PLA2G2F: variants seen among roughly 807,000 people sequenced by gnomAD.
PLA2G2F encodes the protein group IIF secretory phospholipase A2.
Under a neutral mutation model 15.9 loss-of-function variants are expected in PLA2G2F, and 17 were observed. The ratio of observed to expected loss-of-function variants is 1.07; its 90% CI spans 0.73 to 1.60. PLA2G2F has a LOEUF of 1.60. Ranked by LOEUF, PLA2G2F falls within the 40% of genes most tolerant of loss-of-function variation. The pLI is 0.00. For missense variants in PLA2G2F, 299 were observed against 278.2 expected (o/e 1.07, Z -0.53); for synonymous variants, 119 against 106.5 (o/e 1.12, Z -0.72).
chr1:20,140,175 G>GA lies in PLA2G2F; in HGVS notation c.126_127insA (p.Gly43ArgfsTer60). ...TTTCGTCCTCCCTCAGGTCTAGCCT[G>GA]GGTATGAAGAAGTTCTTCACCGTGG... is the stretch of plus-strand genomic sequence containing the variant. On this transcript the variant is annotated frameshift_variant, in exon 2 of 5. Coordinates refer to ENST00000375102, the MANE Select transcript of PLA2G2F (RefSeq NM_022819.4). LOFTEE classifies it high-confidence loss of function. 1 of 1,613,966 alleles carries GA rather than the reference G, an allele frequency of 6.2e-7. No individual in the cohort carries two copies.
Position 20,139,333 on chromosome 1 carries a change from G to C in PLA2G2F, c.-95G>C. ...ACCTGCCACTCCCCTGCCAGTGTGCGAGGCAGCGTGAAGCTGGGGCCTGCT... is the reference window on the plus strand; with the variant it reads ...ACCTGCCACTCCCCTGCCAGTGTGCCAGGCAGCGTGAAGCTGGGGCCTGCT... On this transcript the variant is annotated 5_prime_UTR_variant, in exon 1 of 5. Coordinates refer to ENST00000375102, the MANE Select transcript of PLA2G2F (RefSeq NM_022819.4). The C allele has an allele frequency of 1.1e-6, 1 of 933,222 alleles. No homozygotes were observed. Among genetic ancestry groups the C allele is most frequent in the South Asian group, 1.4e-5 (1 of 69,010 alleles). 57.8% of individuals were successfully genotyped at this position (933,222 alleles called of 1,614,324 possible). A position where few individuals can be genotyped will look rare whatever the true frequency, so the allele number is the denominator to read the frequency against.
rs556199560 is a variant in PLA2G2F at position 20,147,729 on chromosome 1, C to T, written c.425-461C>T. ...CCTCCCAAAGTGCTGGGATTACAGGCGTAAGCCACTGCGCCCGGCAATAAC... is the reference window on the plus strand; with the variant it reads ...CCTCCCAAAGTGCTGGGATTACAGGTGTAAGCCACTGCGCCCGGCAATAAC... On this transcript the variant is annotated intron_variant, in intron 4 of 4. Coordinates refer to ENST00000375102, the MANE Select transcript of PLA2G2F (RefSeq NM_022819.4). Among the ~76,000 whole-genome samples the T allele has an allele frequency of 3.5e-4, 53 of 152,264 alleles. 1 individual carries two copies. Among genetic ancestry groups the T allele is most frequent in the African/African-American group, 1.2e-3 (48 of 41,540 alleles).
rs148806389 is a variant in PLA2G2F at position 20,140,218 on chromosome 1, G to A, written c.169G>A (p.Val57Ile). Residue 57 changes from valine (V) to isoleucine (I), a missense_variant and splice_region_variant, in exon 2 of 5, where the codon GTT becomes ATT. Physicochemically the swap from Val to Ile is conservative, Grantham distance 29. Coordinates refer to ENST00000375102, the MANE Select transcript of PLA2G2F (RefSeq NM_022819.4). ...FFTVAILAGS[V>I]LSTAHGSLLN... ...CACCGTGGCCATCCTTGCTGGCAGC[G>A]GTGAGTAAAGACTCCAGAGGGCTCC... 160 of 1,613,724 alleles carry A rather than the reference G, an allele frequency of 9.9e-5. 1 individual carries two copies. The highest frequency in any genetic ancestry group is 7.6e-4 in the African/African-American group (57 of 75,014).
chr1:20,145,391 C>T (rs969691695), intron 4 of PLA2G2F, among the ~76,000 whole-genome samples: 1 of 151,478 alleles, frequency 6.6e-6, no homozygotes, highest in African/African-American at 2.4e-5. Context: ...AAGTGATTCT[C>T]CTGCTTCAGC....
chr1:20,144,571 G>A lies in PLA2G2F; in HGVS notation c.315-9G>A, dbSNP rs751268287. On this transcript the variant is annotated splice_polypyrimidine_tract_variant and intron_variant, in intron 3 of 4. Coordinates refer to ENST00000375102, the MANE Select transcript of PLA2G2F (RefSeq NM_022819.4). ...CCATGCCTGTCCACTCACCTCTGCC[G>A]CTCCCTAGGTGCTGCCACGCCCACG... The A allele has an allele frequency of 8.7e-6, 14 of 1,601,576 alleles. No homozygotes were observed. In the African/African-American group the frequency reaches 9.4e-5, roughly 11 times the overall value.
At position 20,148,783 on chromosome 1, in the gene PLA2G2F, G is replaced by A. The variant is rs2017668834; in HGVS notation, c.*382G>A. 1 of 213,404 alleles carries A rather than the reference G, an allele frequency of 4.7e-6. No individual in the cohort carries two copies. Among genetic ancestry groups the A allele is most frequent in the African/African-American group, 2.3e-5 (1 of 43,640 alleles). 13.2% of individuals were successfully genotyped at this position (213,404 alleles called of 1,614,324 possible). A position where few individuals can be genotyped will look rare whatever the true frequency, so the allele number is the denominator to read the frequency against. On this transcript the variant is annotated 3_prime_UTR_variant, in exon 5 of 5. Transcript: ENST00000375102. ...TGAGCCTTAGAAAGTCTGGGCCTGA[G>A]CATCCAGGCCCAGAGCTGGATGCAT...
rs2017406794 is a variant in PLA2G2F at position 20,139,437 on chromosome 1, G to A, written c.10G>A (p.Gly4Arg). Residue 4 changes from glycine to arginine, a missense_variant, in exon 1 of 5, where the codon GGG (glycine) becomes AGG (arginine). Physicochemically the swap from Gly to Arg is moderately radical, Grantham distance 125. Transcript: ENST00000375102. The part of the protein sequence containing the change: MAD[G>R]AKANPKGFKK... The stretch of plus-strand genomic sequence containing the variant: ...CCCCAGAACCCGCAACATGGCAGAT[G>A]GGGCAAAGGCCAACCCCAAAGGGTT... 6.4e-7 allele frequency: 1 copy of A among 1,560,650 alleles called. No homozygotes were observed. The highest frequency in any genetic ancestry group is 1.2e-5 in the South Asian group (1 of 84,594).
chr1:20,144,474 C>T (rs895533926), intron 3 of PLA2G2F, 106 bp from the exon 4 acceptor site: 21 of 816,544 alleles, frequency 2.6e-5, no homozygotes, highest in Non-Finnish European at 3.6e-5. Flanking sequence ...GGCTTCAGTT[C>T]GAACGTTTGA....
In PLA2G2F at chr1:20,148,970, T is replaced by G. The variant is rs1428691660; in HGVS notation, c.*569T>G. On this transcript the variant is annotated 3_prime_UTR_variant, in exon 5 of 5. Coordinates refer to ENST00000375102, the MANE Select transcript of PLA2G2F (RefSeq NM_022819.4). ...GCAGGTGCCCCACCCCAGCCCTCAC[T>G]GAGGTGGCCATGAGTCCAGGTTCAG... The G allele has an allele frequency of 1.9e-5, 3 of 158,640 alleles. No homozygotes were observed. Among genetic ancestry groups the G allele is most frequent in the Admixed American group, 1.8e-4 (3 of 16,932 alleles). The allele number at this position is 158,640 out of a possible 1,614,324, so 9.8% of individuals were successfully genotyped here.
At position 20,143,456 on chromosome 1, in the gene PLA2G2F, AGCTCACGGCAGCCT is replaced by A. The variant is rs1254197071; in HGVS notation, c.186_199del (p.His62GlnfsTer36). 6.2e-7 allele frequency: 1 copy of A among 1,613,776 alleles called. No homozygotes were observed. The highest frequency in any genetic ancestry group is 1.3e-5 in the African/African-American group (1 of 74,918). ...CTGGTTCTCTTGCAGTTCTGTCCAC[AGCTCACGGCAGCCT>A]GCTCAACCTGAAGGCCATGGTGGAG... On this transcript the variant is annotated frameshift_variant, in exon 3 of 5. Coordinates refer to ENST00000375102, the MANE Select transcript of PLA2G2F (RefSeq NM_022819.4). LOFTEE classifies it high-confidence loss of function.
chr1:20,143,250 T>C (rs896541452), intron 2 of PLA2G2F, 196 bp from the exon 3 acceptor site: 5 of 627,818 alleles, frequency 8.0e-6, no homozygotes, highest in Admixed American at 6.0e-5. Context: ...ACACCATACA[T>C]GGTACCTTGC....
chr1:20,141,048 G>A (rs934852013), intron 2 of PLA2G2F: 4 of 152,264 alleles, frequency 2.6e-5, no homozygotes, highest in African/African-American at 9.6e-5. Flanking sequence ...CCAAAATAAG[G>A]TTCCACGTGG....
chr1:20,139,980 C>T (rs768915458), intron 1 of PLA2G2F, among the ~76,000 whole-genome samples, 186 bp from the exon 2 acceptor site: 2 of 152,006 alleles, frequency 1.3e-5, no homozygotes, highest in Non-Finnish European at 2.9e-5. Flanking sequence ...CCTGGCTCTG[C>T]CATCTGGGGT....
At chr1:20,145,704 G>A (rs1043294575) in intron 4 of PLA2G2F, among the ~76,000 whole-genome samples, 2 of 151,678 alleles carry the variant, frequency 1.3e-5, no homozygotes, top group African/African-American at 2.4e-5. Flanking sequence ...CCTTAACCTG[G>A]GCTAAAGTGA....
intron 1 of PLA2G2F, 96 bp from the exon 2 acceptor site, chr1:20,140,070 T>A: frequency 7.7e-7 from 1 of 1,298,612 alleles, no homozygotes; most frequent in Admixed American, 1.9e-5. Context: ...ACAGCATTGA[T>A]GACACCTGTC....
Position 20,144,618 on chromosome 1 carries a change from T to C in PLA2G2F, c.353T>C (p.Phe118Ser), listed in dbSNP as rs1282062747. Residue 118 changes from phenylalanine to serine, a missense_variant, in exon 4 of 5, where the codon TTT (phenylalanine) becomes TCT (serine). By Grantham distance (155) the Phe-to-Ser change is radical. Coordinates refer to ENST00000375102, the MANE Select transcript of PLA2G2F (RefSeq NM_022819.4). ...HAHDCCYQEL[F>S]DQGCHPYVDH... The stretch of plus-strand genomic sequence containing the variant: ...CACGACTGCTGCTACCAGGAACTCT[T>C]TGACCAAGGCTGTCACCCCTATGTG... The C allele has an allele frequency of 1.2e-6, 2 of 1,612,532 alleles. No individual in the cohort carries two copies. The highest frequency in any genetic ancestry group is 1.7e-5 in the Admixed American group (1 of 59,772).
At position 20,148,332 on chromosome 1, in the gene PLA2G2F, C is replaced by T. The variant is rs2017655456; in HGVS notation, c.567C>T (p.Ser189=). The part of the protein sequence containing the change: ...VYCQGPTPNC[S]IYEPPPEEVT... Reference sequence around the variant, plus strand: ...GCCAGGGCCCCACGCCCAACTGCAGCATCTATGAACCGCCCCCTGAGGAGG... The same window carrying T: ...GCCAGGGCCCCACGCCCAACTGCAGTATCTATGAACCGCCCCCTGAGGAGG... Residue 189 remains serine, a synonymous_variant, in exon 5 of 5, where the codon AGC becomes AGT. Transcript: ENST00000375102. The T allele has an allele frequency of 1.2e-6, 2 of 1,614,088 alleles. No individual in the cohort carries two copies. The highest frequency in any genetic ancestry group is 1.7e-6 in the Non-Finnish European group (2 of 1,179,998).
At chr1:20,147,771 G>A (rs766186529) in intron 4 of PLA2G2F, among the ~76,000 whole-genome samples, 25 of 152,160 alleles carry the variant, frequency 1.6e-4, no homozygotes, top group South Asian at 4.1e-4. Context: ...TTCACTGGGC[G>A]TTCTTTGATT....
chr1:20,140,138 T>A, intron 1 of PLA2G2F, 28 bp from the exon 2 acceptor site: 3 of 1,612,244 alleles, frequency 1.9e-6, no homozygotes, highest in Non-Finnish European at 2.5e-6. Context: ...GGGGATGGAC[T>A]CAAGCTCCGG....
Sources: allele counts gnomAD v4.1 joint callset (sites outside exome capture counted in the v4.1 genomes callset), GRCh38; gene constraint gnomAD v4.1.1; transcripts MANE v1.5; gene names NCBI Gene and HGNC (gene_info 2026-07-23, HGNC 2026-07-21).